INPP5A: variants seen among roughly 807,000 people sequenced by gnomAD.
INPP5A encodes inositol polyphosphate-5-phosphatase A, also known as 43 kDa inositol polyphosphate 5-phophatase.
A neutral mutation model predicts 65.2 loss-of-function variants in INPP5A; 14 were observed. The observed-to-expected ratio is 0.21, with a 90% CI of 0.14 to 0.34. The LOEUF (loss-of-function observed/expected upper bound fraction) is 0.34, where lower values mean the gene tolerates loss of function less well. Among genes scored for constraint, INPP5A ranks in the 10% least tolerant of loss-of-function variants. The probability of loss-of-function intolerance (pLI) is 1.00; values close to 1 mark genes in which losing one functional copy is unlikely to be tolerated. For missense variants in INPP5A, 431 were observed against 545.6 expected, an observed-to-expected ratio of 0.79 and a Z score of 2.09; for synonymous variants, 207 against 208.3, an observed-to-expected ratio of 0.99 and a Z score of 0.05.
intron 11 of INPP5A, among the ~76,000 whole-genome samples, chr10:132,756,202 C>T (rs12783078): frequency 0.16 from 24,815 of 151,982 alleles, 2,437 homozygotes; most frequent in Non-Finnish European, 0.22. Context: ...TATGTGTGTG[C>T]GTGTACATGT....
intron 2 of INPP5A, among the ~76,000 whole-genome samples, chr10:132,608,489 G>A (rs1362312035): frequency 1.1e-4 from 17 of 152,238 alleles, no homozygotes; most frequent in Admixed American, 9.8e-4. Flanking sequence ...TGGTGTGGAC[G>A]CTGCAGATGC....
chr10:132,667,875 AT>A (rs1217859370), intron 4 of INPP5A, among the ~76,000 whole-genome samples: 4 of 152,124 alleles, frequency 2.6e-5, no homozygotes, highest in African/African-American at 7.2e-5. Flanking sequence ...AAAAGGGGAA[AT>A]AATGGGGTTT....
At chr10:132,661,974 C>T (rs2072742095) in intron 4 of INPP5A, among the ~76,000 whole-genome samples, 1 of 152,198 alleles carries the variant, frequency 6.6e-6, no homozygotes, top group African/African-American at 2.4e-5. Flanking sequence ...TTGCAAAAAA[C>T]TCACTTCAAT....
At chr10:132,722,487 G>A (rs1022697839) in intron 8 of INPP5A, among the ~76,000 whole-genome samples, 8 of 152,218 alleles carry the variant, frequency 5.3e-5, no homozygotes, top group African/African-American at 9.6e-5. Context: ...CCCTGTCACC[G>A]TGGGGCCTCC....
intron 1 of INPP5A, among the ~76,000 whole-genome samples, chr10:132,595,913 C>A (rs1403727072): frequency 6.0e-5 from 9 of 151,228 alleles, no homozygotes; most frequent in Admixed American, 5.9e-4. Flanking sequence ...TTTAACATTT[C>A]CCATATTTTC....
chr10:132,652,171 CA>C (rs1564949964), intron 4 of INPP5A, among the ~76,000 whole-genome samples: 1 of 152,170 alleles, frequency 6.6e-6, no homozygotes, highest in Non-Finnish European at 1.5e-5. Context: ...ATGTGTTTCC[CA>C]AGTAGGGGCT....
chr10:132,638,875 C>G (rs955382152), intron 2 of INPP5A, among the ~76,000 whole-genome samples: 5 of 152,154 alleles, frequency 3.3e-5, no homozygotes, highest in Non-Finnish European at 5.9e-5. Flanking sequence ...GCAGCTTCCA[C>G]TTTTTCTTCA....
In INPP5A at chr10:132,547,413, C is replaced by T. The variant is rs112686699; in HGVS notation, c.75+9242C>T. On this transcript the variant is annotated intron_variant, in intron 1 of 15. Transcript: ENST00000368594. The surrounding 1 kb of genome is among the most constrained non-coding windows in gnomAD (Gnocchi z 5.5). ...GCCTGGCCTTTGCTTCTGTCCGGGG[C>T]GCGTGGCCCAGGCTGAGCAGTGCAC... Among the ~76,000 whole-genome samples the T allele has an allele frequency of 6.6e-6, 1 of 152,264 alleles. No individual in the cohort carries two copies. The highest frequency in any genetic ancestry group is 1.5e-5 in the Non-Finnish European group (1 of 68,016).
Position 132,709,628 on chromosome 10 carries a change from C to T in INPP5A, c.528-709C>T, listed in dbSNP as rs186127474. 4.9e-3 allele frequency among the ~76,000 whole-genome samples: 744 copies of T among 152,268 alleles called. 4 individuals are homozygous for T. The highest frequency in any genetic ancestry group is 7.8e-3 in the Non-Finnish European group (532 of 67,992). The stretch of plus-strand genomic sequence containing the variant: ...GCCACAGGCTGGAGGAGGGCAAGAC[C>T]GCCTGCACGCACTCATTCCTGGCGC... On this transcript the variant is annotated intron_variant, in intron 7 of 15. Coordinates refer to ENST00000368594, the MANE Select transcript of INPP5A (RefSeq NM_005539.5).
intron 2 of INPP5A, among the ~76,000 whole-genome samples, chr10:132,620,436 T>G (rs1162026945): frequency 6.6e-6 from 1 of 152,206 alleles, no homozygotes; most frequent in African/African-American, 2.4e-5. Context: ...TGTAGGCTGT[T>G]AGAAGCAGCC....
At chr10:132,720,813 T>TG (rs1845858977) in intron 8 of INPP5A, among the ~76,000 whole-genome samples, 1 of 149,638 alleles carries the variant, frequency 6.7e-6, no homozygotes, top group East Asian at 2.0e-4. Flanking sequence ...ATGGCTGTCT[T>TG]GCGGGTTCTG....
intron 2 of INPP5A, among the ~76,000 whole-genome samples, chr10:132,630,730 C>T (rs1265806391): frequency 1.4e-5 from 2 of 138,818 alleles, no homozygotes; most frequent in South Asian, 2.6e-4. Flanking sequence ...GGTGGGGCCT[C>T]GGTCGCACCT....
At chr10:132,751,912 C>A (rs1173665567) in intron 11 of INPP5A, among the ~76,000 whole-genome samples, 1 of 147,938 alleles carries the variant, frequency 6.8e-6, no homozygotes. Context: ...AGGCGGGTGC[C>A]CAGGAGGTGT....
rs373513037 is a variant in INPP5A, at chr10:132,750,874, G to A, written c.903+1029G>A. Among the ~76,000 whole-genome samples, 9 of 152,344 alleles carry A rather than the reference G, an allele frequency of 5.9e-5. No homozygotes were observed. The East Asian group carries it at 9.6e-4, about 16-fold the overall frequency. On this transcript the variant is annotated intron_variant, in intron 11 of 15. Transcript: ENST00000368594. ...GAGTGGCCGGGGGAGAGGTGAGGGAGCACAGGCGGGTAGACCCAGGACACT... is the reference window on the plus strand; with the variant it reads ...GAGTGGCCGGGGGAGAGGTGAGGGAACACAGGCGGGTAGACCCAGGACACT...
chr10:132,770,688 C>T (rs1035426986), intron 12 of INPP5A, among the ~76,000 whole-genome samples: 2 of 152,162 alleles, frequency 1.3e-5, no homozygotes, highest in African/African-American at 2.4e-5. Flanking sequence ...TTTATTAGTC[C>T]GTTTTAAAAA....
At chr10:132,618,497 TAA>T (rs1156748224) in intron 2 of INPP5A, among the ~76,000 whole-genome samples, 2 of 152,248 alleles carry the variant, frequency 1.3e-5, no homozygotes, top group Non-Finnish European at 2.9e-5. Flanking sequence ...TTGCTCATTT[TAA>T]AGTCTTTCAC....
chr10:132,688,862 GAGTT>G (rs1845200910), intron 4 of INPP5A, among the ~76,000 whole-genome samples: 2 of 151,642 alleles, frequency 1.3e-5, no homozygotes, highest in Admixed American at 1.3e-4. Flanking sequence ...GTGTGTGCAT[GAGTT>G]AGTGCATGAG....
At position 132,675,709 on chromosome 10, in the gene INPP5A, G is replaced by A. The variant is rs115702533; in HGVS notation, c.307-14683G>A. On this transcript the variant is annotated intron_variant, in intron 4 of 15. Coordinates refer to ENST00000368594, the MANE Select transcript of INPP5A (RefSeq NM_005539.5). The surrounding 1 kb of genome is among the most constrained non-coding windows in gnomAD (Gnocchi z 4.2). ...TGCTGTTTTAGCATTTCTGGGGACC[G>A]GGAACTAAGGTAAATTATTTGAAAC... is the stretch of plus-strand genomic sequence containing the variant. Among the ~76,000 whole-genome samples, 381 of 152,288 alleles carry A rather than the reference G, an allele frequency of 2.5e-3. No individual in the cohort carries two copies. The highest frequency in any genetic ancestry group is 8.6e-3 in the African/African-American group (356 of 41,552).
chr10:132,562,099 G>A (rs188630262), intron 1 of INPP5A, among the ~76,000 whole-genome samples: 5 of 152,386 alleles, frequency 3.3e-5, no homozygotes, highest in East Asian at 1.9e-4. Flanking sequence ...CAGGCTTGGC[G>A]GCCTCCTGTG....
Sources: allele counts gnomAD v4.1 joint callset (sites outside exome capture counted in the v4.1 genomes callset), GRCh38; gene constraint gnomAD v4.1.1; non-coding constraint Gnocchi (gnomAD v3.1); transcripts MANE v1.5; gene names NCBI Gene and HGNC (gene_info 2026-07-23, HGNC 2026-07-21).